The following UTP20 variants were observed in gnomAD, a reference collection of about 807,000 sequenced individuals.
UTP20 encodes UTP20 small subunit processome component, also known as small subunit processome component 20 homolog.
In UTP20, 164 loss-of-function variants were observed where a neutral mutation model predicts 329.5. That is an observed-to-expected ratio of 0.50 (90% confidence interval 0.44 to 0.57). UTP20 has a LOEUF of 0.57. Ranked by LOEUF, UTP20 falls within the 20% of genes least tolerant of loss-of-function variation. The probability of loss-of-function intolerance (pLI) is 0.00; values close to 1 mark genes in which losing one functional copy is unlikely to be tolerated. For synonymous variants in UTP20, 1,151 were observed against 1,159.3 expected (o/e 0.99, Z 0.14); for missense variants, 3,055 against 3,284.2 (o/e 0.93, Z 1.71).
chr12:101,368,883 A>G (rs1458328440), intron 48 of UTP20, among the ~76,000 whole-genome samples: 1 of 150,928 alleles, frequency 6.6e-6, no homozygotes, highest in Non-Finnish European at 1.5e-5. Flanking sequence ...CCGACTCCCA[A>G]GCTCGCTCTT....
rs769278795 is a variant in UTP20, at chr12:101,300,031, A to G, written c.1645A>G (p.Met549Val). 16 of 1,614,172 alleles carry G rather than the reference A, an allele frequency of 9.9e-6. No individual in the cohort carries two copies. Among genetic ancestry groups the G allele is most frequent in the Admixed American group, 3.3e-5 (2 of 60,028 alleles). ...LVTGFIEALFMTVDKGSFGKG... is the reference protein window; with the variant it reads ...LVTGFIEALFVTVDKGSFGKG... ...CACCGGCTTCATAGAGGCACTCTTCATGACTGTTGACAAAGGAAGCTTTGG... is the reference window on the plus strand; with the variant it reads ...CACCGGCTTCATAGAGGCACTCTTCGTGACTGTTGACAAAGGAAGCTTTGG... Residue 549 changes from methionine (M) to valine (V), a missense_variant, in exon 14 of 62, where the codon ATG (methionine) becomes GTG (valine). Physicochemically the swap from Met to Val is conservative, Grantham distance 21. This residue lies in a region of UTP20 where 2,445 missense variants were observed against 2,575.5 expected (regional missense o/e 0.95). Transcript: ENST00000261637.
chr12:101,366,462 G>A (rs1265459808), intron 46 of UTP20, 96 bp from the exon 47 acceptor site: 3 of 1,465,478 alleles, frequency 2.0e-6, no homozygotes, highest in African/African-American at 2.8e-5. Flanking sequence ...ACATTATTTA[G>A]TGCTGGGCTC....
chr12:101,343,304 A>G (rs1355637188), intron 35 of UTP20, among the ~76,000 whole-genome samples: 1 of 152,188 alleles, frequency 6.6e-6, no homozygotes, highest in Non-Finnish European at 1.5e-5. Context: ...AATACATATG[A>G]AAGCATTTTG....
chr12:101,347,301 T>G (rs1869358534), intron 38 of UTP20, among the ~76,000 whole-genome samples: 1 of 152,122 alleles, frequency 6.6e-6, no homozygotes, highest in African/African-American at 2.4e-5. Flanking sequence ...GGCAGGTGGA[T>G]CACTTGAGGT....
intron 36 of UTP20, among the ~76,000 whole-genome samples, chr12:101,345,309 C>T (rs948734745): frequency 2.0e-5 from 3 of 151,864 alleles, no homozygotes; most frequent in Non-Finnish European, 4.4e-5. Context: ...GAGACAGGGG[C>T]TCACTTTGTT....
chr12:101,353,086 C>G lies in UTP20; in HGVS notation c.5064C>G (p.His1688Gln). 1.9e-6 allele frequency: 3 copies of G among 1,597,122 alleles called. No individual in the cohort carries two copies. The highest frequency in any genetic ancestry group is 2.6e-6 in the Non-Finnish European group (3 of 1,169,126). Residue 1688 changes from histidine (H) to glutamine (Q), a missense_variant, in exon 40 of 62, where the codon CAC (histidine) becomes CAG (glutamine). Around this residue, in one of 3 missense-constraint regions of UTP20, gnomAD observed 2,445 missense variants for 2,575.5 expected, o/e 0.95. Coordinates refer to ENST00000261637, the MANE Select transcript of UTP20 (RefSeq NM_014503.3). ...VIVLEAFHFDHKTLEEQMGKI... is the reference protein window; with the variant it reads ...VIVLEAFHFDQKTLEEQMGKI... The stretch of plus-strand genomic sequence containing the variant: ...TGTTAGAAGCATTCCACTTTGACCA[C>G]AAAACTCTTGAAGAACAAATGGGAA...
chr12:101,367,286 A>AAAAAAT (rs765492002), intron 47 of UTP20, among the ~76,000 whole-genome samples: 2 of 152,120 alleles, frequency 1.3e-5, no homozygotes, highest in South Asian at 2.1e-4. Context: ...CCCTGTCTCT[A>AAAAAAT]AAAAATAAAA....
intron 18 of UTP20, 98 bp downstream of exon 18, chr12:101,308,441 A>ATAC: frequency 1.5e-6 from 1 of 663,626 alleles, no homozygotes; most frequent in Non-Finnish European, 1.9e-6. Flanking sequence ...AATAATAATA[A>ATAC]TAATAATAAT....
intron 35 of UTP20, among the ~76,000 whole-genome samples, chr12:101,343,662 G>A (rs983290019): frequency 3.3e-5 from 5 of 152,114 alleles, no homozygotes; most frequent in African/African-American, 1.2e-4. Context: ...ACAGGGGCAC[G>A]CCACCACACC....
At chr12:101,313,746 A>C (rs1593428813) in intron 21 of UTP20, among the ~76,000 whole-genome samples, 2 of 150,586 alleles carry the variant, frequency 1.3e-5, no homozygotes, top group East Asian at 3.9e-4. Context: ...GGAAGGAGGG[A>C]GGGAAGGAAT....
intron 58 of UTP20, among the ~76,000 whole-genome samples, chr12:101,381,746 C>T (rs887921577): frequency 7.3e-5 from 11 of 151,356 alleles, no homozygotes; most frequent in African/African-American, 2.2e-4. Context: ...GGTCTGGGTG[C>T]GGTGACTCAC....
At position 101,383,678 on chromosome 12, in the gene UTP20, G is replaced by A; in HGVS notation, c.8056+9G>A. The stretch of plus-strand genomic sequence containing the variant: ...CACCTATTCAGAGCAAGGTAACCCT[G>A]CCTCGTCTGTTCTCCTGCCTTTTGC... On this transcript the variant is annotated intron_variant, in intron 60 of 61. Coordinates refer to ENST00000261637, the MANE Select transcript of UTP20 (RefSeq NM_014503.3). The A allele has an allele frequency of 6.4e-7, 1 of 1,570,228 alleles. No individual in the cohort carries two copies. The highest frequency in any genetic ancestry group is 8.7e-7 in the Non-Finnish European group (1 of 1,154,866).
intron 48 of UTP20, among the ~76,000 whole-genome samples, chr12:101,368,979 G>A (rs914968027): frequency 1.2e-4 from 19 of 152,282 alleles, no homozygotes; most frequent in Middle Eastern, 3.4e-3. Flanking sequence ...AGCTGATCCC[G>A]GTGCTTTCAA....
At chr12:101,311,289 T>G (rs4764791) in intron 19 of UTP20, among the ~76,000 whole-genome samples, 3 of 152,088 alleles carry the variant, frequency 2.0e-5, no homozygotes, top group Non-Finnish European at 2.9e-5. Flanking sequence ...TTTCATGTAG[T>G]TAGTGAATGT....
chr12:101,381,873 G>C lies in UTP20; in HGVS notation c.7656+662G>C, dbSNP rs1176357959. Among the ~76,000 whole-genome samples the C allele has an allele frequency of 3.3e-5, 5 of 152,000 alleles. No individual in the cohort carries two copies. The East Asian group carries it at 9.8e-4, about 30-fold the overall frequency. On this transcript the variant is annotated intron_variant, in intron 58 of 61. Transcript: ENST00000261637. ...ATCTCTACTAAAAAGACAAAAATTA[G>C]CTGGGCATGGTGGCGCATGCCTGTA...
chr12:101,311,687 CT>C, intron 19 of UTP20, 31 bp from the exon 20 acceptor site: 2 of 1,574,790 alleles, frequency 1.3e-6, no homozygotes. Context: ...CCATACCACA[CT>C]TTTTATTTTG....
At chr12:101,308,849 C>T (rs1332830370) in intron 18 of UTP20, among the ~76,000 whole-genome samples, 4 of 151,866 alleles carry the variant, frequency 2.6e-5, no homozygotes, top group African/African-American at 7.3e-5. Flanking sequence ...TCTCCTGCCT[C>T]AGCCTCCCGA....
At chr12:101,286,594 G>A (rs774634961) in intron 5 of UTP20, 85 bp downstream of exon 5, 11 of 1,112,718 alleles carry the variant, frequency 9.9e-6, no homozygotes, top group Non-Finnish European at 1.3e-5. Context: ...CACTTTGCCA[G>A]CTCAGTGCCT....
intron 43 of UTP20, among the ~76,000 whole-genome samples, chr12:101,358,785 G>A (rs1029326623): frequency 2.0e-5 from 3 of 151,930 alleles, no homozygotes; most frequent in Non-Finnish European, 2.9e-5. Flanking sequence ...TAACAAGGTT[G>A]AGGGAGACAT....
Sources: allele counts gnomAD v4.1 joint callset (sites outside exome capture counted in the v4.1 genomes callset), GRCh38; gene constraint gnomAD v4.1.1; regional missense constraint gnomAD v4.1.1; transcripts MANE v1.5; gene names NCBI Gene and HGNC (gene_info 2026-07-23, HGNC 2026-07-21).